Variants in ZPBP observed in about 807,000 individuals in gnomAD.
ZPBP encodes zona pellucida-binding protein 1.
Under a neutral mutation model 44.8 loss-of-function variants are expected in ZPBP, and 26 were observed. The observed-to-expected ratio is 0.58, with a 90% CI of 0.43 to 0.81. The LOEUF is 0.81. Ranked by LOEUF, ZPBP falls within the 30% of genes least tolerant of loss-of-function variation. The probability of loss-of-function intolerance (pLI) is 0.00; values close to 1 mark genes in which losing one functional copy is unlikely to be tolerated. For missense variants in ZPBP, 409 were observed against 434.0 expected (o/e 0.94, Z 0.51); for synonymous variants, 174 against 153.2 (o/e 1.14, Z -1.00).
chr7:50,035,143 C>T (rs890661698), intron 4 of ZPBP, among the ~76,000 whole-genome samples: 11 of 152,210 alleles, frequency 7.2e-5, no homozygotes, highest in African/African-American at 2.2e-4. Flanking sequence ...CTGCTCTCTC[C>T]TATGTTTTGT....
At chr7:49,849,542 C>A (rs903320991), downstream of ZPBP, among the ~76,000 whole-genome samples, 19 of 152,214 alleles carry the variant, frequency 1.2e-4, no homozygotes, top group African/African-American at 4.6e-4. Context: ...CTACTCCATG[C>A]CACATTTCAG....
chr7:50,054,162 C>T (rs1800820863), intron 4 of ZPBP, among the ~76,000 whole-genome samples: 1 of 151,366 alleles, frequency 6.6e-6, no homozygotes, highest in Non-Finnish European at 1.5e-5. Context: ...AAGTTCTGGG[C>T]AATTTTTATT....
At chr7:49,986,326 T>G (rs1481759857) in intron 6 of ZPBP, among the ~76,000 whole-genome samples, 1 of 152,168 alleles carries the variant, frequency 6.6e-6, no homozygotes, top group African/African-American at 2.4e-5. Context: ...AGGAGTGTAA[T>G]GGCACCACCC....
intron 7 of ZPBP, among the ~76,000 whole-genome samples, chr7:49,957,957 C>T (rs999268483): frequency 6.6e-6 from 1 of 152,226 alleles, no homozygotes; most frequent in Admixed American, 6.5e-5. Context: ...ACCCCCACCC[C>T]AGTGTGCCCA....
rs376870629 is a variant in ZPBP at position 49,969,834 on chromosome 7, G to A, written c.961+13508C>T. Among the ~76,000 whole-genome samples, 31 of 85,340 alleles carry A rather than the reference G, an allele frequency of 3.6e-4. 1 individual carries two copies. The highest frequency in any genetic ancestry group is 4.7e-4 in the Non-Finnish European group (18 of 38,336). 56.0% of individuals were successfully genotyped at this position (85,340 alleles called of 152,430 possible). A position where few individuals can be genotyped will look rare whatever the true frequency, so the allele number is the denominator to read the frequency against. ...ATATATATATAGAGAGAGAGAGAGA[G>A]AGAGAGAGAGAAAGAGAAAGAGAGA... is the stretch of plus-strand genomic sequence containing the variant. On this transcript the variant is annotated intron_variant, in intron 7 of 7. Coordinates refer to ENST00000046087, the MANE Select transcript of ZPBP (RefSeq NM_007009.3).
chr7:50,009,109 T>C (rs1300516293), intron 6 of ZPBP, among the ~76,000 whole-genome samples: 1 of 151,592 alleles, frequency 6.6e-6, no homozygotes, highest in East Asian at 1.9e-4. Context: ...CGGTGGCACG[T>C]GTCTGTAATC....
intron 7 of ZPBP, among the ~76,000 whole-genome samples, chr7:49,949,293 C>A (rs1007411275): frequency 6.6e-6 from 1 of 152,088 alleles, no homozygotes; most frequent in African/African-American, 2.4e-5. Flanking sequence ...TAGTATATAT[C>A]TAAAATAACT....
chr7:49,854,679 T>A (rs1790343087), intron 2 of ZPBP, among the ~76,000 whole-genome samples: 1 of 152,234 alleles, frequency 6.6e-6, no homozygotes, highest in African/African-American at 2.4e-5. Flanking sequence ...TTCACTCTGA[T>A]GGTAGTTTCT....
chr7:49,868,354 T>C (rs1213451378), intron 2 of ZPBP, among the ~76,000 whole-genome samples: 1 of 152,234 alleles, frequency 6.6e-6, no homozygotes, highest in South Asian at 2.1e-4. Context: ...TTTCAAAGTA[T>C]TGATGGTTCA....
chr7:50,048,427 CAA>C (rs1202683224), intron 4 of ZPBP, among the ~76,000 whole-genome samples: 1 of 152,012 alleles, frequency 6.6e-6, no homozygotes, highest in Non-Finnish European at 1.5e-5. Context: ...GCATTCTTCT[CAA>C]ATACACATGG....
chr7:50,008,349 T>C (rs371708218), intron 6 of ZPBP, among the ~76,000 whole-genome samples: 2 of 152,168 alleles, frequency 1.3e-5, no homozygotes, highest in East Asian at 3.9e-4. Context: ...TGCTGAAAAT[T>C]AGAAAATGTT....
intron 7 of ZPBP, among the ~76,000 whole-genome samples, chr7:49,954,417 G>A (rs766407692): frequency 1.3e-5 from 2 of 152,046 alleles, no homozygotes; most frequent in Non-Finnish European, 2.9e-5. Flanking sequence ...CCAAAAACAA[G>A]GGTAACAAAA....
chr7:49,980,578 G>T (rs1796807220), intron 7 of ZPBP, among the ~76,000 whole-genome samples: 2 of 151,822 alleles, frequency 1.3e-5, no homozygotes, highest in African/African-American at 4.8e-5. Flanking sequence ...AAGGTGAAAG[G>T]CAGCCTGAGT....
chr7:50,044,367 T>C (rs1412472171), intron 4 of ZPBP, among the ~76,000 whole-genome samples: 2 of 151,982 alleles, frequency 1.3e-5, no homozygotes, highest in Non-Finnish European at 2.9e-5. Flanking sequence ...AAAAAATCAA[T>C]GAATCCAGGA....
At chr7:49,863,539 C>T (rs947704932) in intron 2 of ZPBP, among the ~76,000 whole-genome samples, 1 of 152,148 alleles carries the variant, frequency 6.6e-6, no homozygotes, top group African/African-American at 2.4e-5. Flanking sequence ...TCAAGCGATC[C>T]TCCTGCCTCA....
chr7:50,093,163 C>T lies in ZPBP; in HGVS notation c.32G>A (p.Arg11Gln). The change falls in exon 1 of 8, where the codon CGG becomes CAG. Residue 11 changes from arginine to glutamine, a missense_variant. By Grantham distance (43) the Arg-to-Gln change is conservative. This residue lies in a region of ZPBP where 367 missense variants were observed against 363.1 expected (regional missense o/e 1.01). Coordinates refer to ENST00000046087, the MANE Select transcript of ZPBP (RefSeq NM_007009.3). MEAFALGPAR[R>Q]GRRRTRAAGS... is the part of the protein sequence containing the mutation. ...GGCGGCCCGGGTCCGCCGCCTGCCC[C>T]GCCGCGCTGGGCCAAGGGCGAAGGC... 4 of 1,540,916 alleles carry T rather than the reference C, an allele frequency of 2.6e-6. No homozygotes were observed. Among genetic ancestry groups the T allele is most frequent in the East Asian group, 2.5e-5 (1 of 40,448 alleles).
chr7:49,850,118 G>A (rs1790117694), downstream of ZPBP, among the ~76,000 whole-genome samples: 2 of 152,156 alleles, frequency 1.3e-5, no homozygotes. Context: ...CACATAGCAT[G>A]GTGCTGCAGG....
intron 2 of ZPBP, among the ~76,000 whole-genome samples, chr7:49,855,240 CA>C (rs1252106435): frequency 1.3e-5 from 2 of 152,152 alleles, no homozygotes; most frequent in Admixed American, 1.3e-4. Flanking sequence ...ATATGTTTTA[CA>C]ATAAATGGTT....
At chr7:49,914,868 T>C (rs1040938073) in intron 1 of ZPBP, 1 of 152,192 alleles carries the variant, frequency 6.6e-6, no homozygotes. Context: ...AATTCAAGTA[T>C]AGAAGTTCTG....
Sources: allele counts gnomAD v4.1 joint callset (sites outside exome capture counted in the v4.1 genomes callset), GRCh38; gene constraint gnomAD v4.1.1; regional missense constraint gnomAD v4.1.1; transcripts MANE v1.5; gene names NCBI Gene and HGNC (gene_info 2026-07-23, HGNC 2026-07-21).